SLC7A7: variants seen among roughly 807,000 people sequenced by gnomAD.
The protein encoded by SLC7A7 is Y+L amino acid transporter 1.
SLC7A7 carries 39 observed loss-of-function variants against 47.9 expected under a neutral mutation model. The ratio of observed to expected loss-of-function variants is 0.81; its 90% CI spans 0.63 to 1.06. The LOEUF (loss-of-function observed/expected upper bound fraction) is 1.06. Among genes scored for constraint, SLC7A7 ranks in the 50% least tolerant of loss-of-function variants. The pLI is 0.00. For missense variants in SLC7A7, 588 were observed against 632.0 expected, an observed-to-expected ratio of 0.93 and a Z score of 0.75; for synonymous variants, 234 against 242.8, an observed-to-expected ratio of 0.96 and a Z score of 0.34.
At chr14:22,806,485 C>G (rs1470119588) in intron 2 of SLC7A7, among the ~76,000 whole-genome samples, 1 of 151,878 alleles carries the variant, frequency 6.6e-6, no homozygotes, top group Non-Finnish European at 1.5e-5. Context: ...AGGCGCTGCT[C>G]ATGGAAGGGC....
chr14:22,774,047 C>T lies in SLC7A7; in HGVS notation c.1315G>A (p.Asp439Asn), dbSNP rs199986641. The T allele has an allele frequency of 2.5e-5, 41 of 1,613,612 alleles. No homozygotes were observed. Among genetic ancestry groups the T allele is most frequent in the Non-Finnish European group, 3.3e-5 (39 of 1,179,864 alleles). The change falls in exon 9 of 10, where the codon GAT becomes AAT. Residue 439 changes from aspartate to asparagine, a missense_variant. By Grantham distance (23) the Asp-to-Asn change is conservative. Transcript: ENST00000674313. ...ATGCCGATGAGGGAGTTGATAGTAT[C>T]ACTGTAAAGTGGAACAGCCACCAGG... ...IFLVAVPLYSDTINSLIGIAI... is the reference protein window; with the variant it reads ...IFLVAVPLYSNTINSLIGIAI...
At chr14:22,802,427 C>T (rs112991211) in intron 2 of SLC7A7, among the ~76,000 whole-genome samples, 3 of 47,296 alleles carry the variant, frequency 6.3e-5, no homozygotes, top group African/African-American at 9.4e-5. Flanking sequence ...AACAACCAAA[C>T]AAACAAACAA....
Position 22,803,816 on chromosome 14 carries a change from C to T in SLC7A7, c.499+9084G>A, listed in dbSNP as rs191634621. ...AAGCCACTCTCCACCCCTGCAAGCA[C>T]CTGCCACATATACATGTTTAAGTGA... is the stretch of plus-strand genomic sequence containing the variant. On this transcript the variant is annotated intron_variant, in intron 2 of 9. Coordinates refer to ENST00000674313, the MANE Select transcript of SLC7A7 (RefSeq NM_003982.4). 1.9e-3 allele frequency among the ~76,000 whole-genome samples: 296 copies of T among 152,280 alleles called. 1 individual carries two copies. Among genetic ancestry groups the T allele is most frequent in the African/African-American group, 6.7e-3 (279 of 41,554 alleles).
intron 2 of SLC7A7, among the ~76,000 whole-genome samples, chr14:22,792,867 A>AAGAGAGAGAAAGAGAGAGAGAGAGAGAG (rs2038947317): frequency 8.2e-6 from 1 of 122,466 alleles, no homozygotes; most frequent in Admixed American, 9.0e-5. Flanking sequence ...CAAAGAAAGA[A>AAGAGAGAGAAAGAGAGAGAGAGAGAGAG]AGAGAGAGAG....
chr14:22,791,078 C>A (rs192140761), intron 2 of SLC7A7, among the ~76,000 whole-genome samples: 2 of 151,678 alleles, frequency 1.3e-5, no homozygotes, highest in East Asian at 3.9e-4. Flanking sequence ...AGCATCATTT[C>A]TGATCTTCCA....
At chr14:22,818,288 C>T (rs910814525), upstream of SLC7A7, among the ~76,000 whole-genome samples, 6 of 152,130 alleles carry the variant, frequency 3.9e-5, no homozygotes, top group South Asian at 1.0e-3. Context: ...GCAAACAGCA[C>T]GCCCTAGTGG....
At chr14:22,784,423 T>G (rs896090912) in intron 2 of SLC7A7, among the ~76,000 whole-genome samples, 1 of 152,002 alleles carries the variant, frequency 6.6e-6, no homozygotes, top group East Asian at 1.9e-4. Context: ...ATCGAGACCA[T>G]CCTGGCCAAC....
At chr14:22,812,578 G>A (rs1434378569) in intron 2 of SLC7A7, among the ~76,000 whole-genome samples, 4 of 149,368 alleles carry the variant, frequency 2.7e-5, no homozygotes, top group African/African-American at 9.9e-5. Context: ...CGAGGCTGAA[G>A]TAAGGTATAA....
intron 2 of SLC7A7, among the ~76,000 whole-genome samples, chr14:22,796,915 G>A (rs1039020420): frequency 3.3e-5 from 5 of 152,138 alleles, no homozygotes; most frequent in Non-Finnish European, 4.4e-5. Context: ...AATGTAAACT[G>A]CTTTTAAGTC....
chr14:22,776,056 C>T (rs1187756605), intron 5 of SLC7A7, 120 bp from the exon 6 acceptor site: 4 of 1,443,676 alleles, frequency 2.8e-6, no homozygotes, highest in Admixed American at 1.7e-5. Flanking sequence ...GTGGGGTTAA[C>T]AGGACCTTCT....
At chr14:22,809,470 AGCTGGGACTATAGGCAC>A (rs2039267164) in intron 2 of SLC7A7, among the ~76,000 whole-genome samples, 1 of 151,836 alleles carries the variant, frequency 6.6e-6, no homozygotes, top group Non-Finnish European at 1.5e-5. Flanking sequence ...CCTCCCAAGT[AGCTGGGACTATAGGCAC>A]GCACCACCAC....
intron 2 of SLC7A7, among the ~76,000 whole-genome samples, chr14:22,808,300 C>T (rs2039246726): frequency 6.6e-6 from 1 of 152,204 alleles, no homozygotes; most frequent in Non-Finnish European, 1.5e-5. Context: ...AAGGGCCAGA[C>T]ATCATTCTTC....
At chr14:22,783,035 G>A (rs145480763) in intron 2 of SLC7A7, among the ~76,000 whole-genome samples, 7,792 of 151,622 alleles carry the variant, frequency 0.051, 542 homozygotes, top group African/African-American at 0.15. Flanking sequence ...CAGGGTTCAA[G>A]CAGTTCTCCT....
At chr14:22,783,805 T>A (rs1182562521) in intron 2 of SLC7A7, among the ~76,000 whole-genome samples, 2 of 152,152 alleles carry the variant, frequency 1.3e-5, no homozygotes, top group African/African-American at 2.4e-5. Flanking sequence ...TGACCCACCT[T>A]CTAGCCCTGA....
In SLC7A7 at chr14:22,774,113, T is replaced by C. The variant is rs2038542808; in HGVS notation, c.1249A>G (p.Ser417Gly). The C allele has an allele frequency of 1.9e-6, 3 of 1,614,100 alleles. No individual in the cohort carries two copies. The East Asian group carries it at 6.7e-5, about 36-fold the overall frequency. Residue 417 changes from serine to glycine, a missense_variant, in exon 9 of 10, where the codon AGC becomes GGC. Physicochemically the swap from Ser to Gly is moderately conservative, Grantham distance 56 (BLOSUM62 0). Coordinates refer to ENST00000674313, the MANE Select transcript of SLC7A7 (RefSeq NM_003982.4). The part of the protein sequence containing the change: ...EPDRPRPLKL[S>G]VFFPIVFCLC... ...CAGAAGACAATCGGGAAGAAAACGC[T>C]GAGCTAAGGGCACAGGAAACATAAC...
chr14:22,804,171 CCCTT>C (rs2039162171), intron 2 of SLC7A7, among the ~76,000 whole-genome samples: 1 of 152,100 alleles, frequency 6.6e-6, no homozygotes, highest in Non-Finnish European at 1.5e-5. Flanking sequence ...GAAACTGGAG[CCCTT>C]CCTTATATCT....
upstream of SLC7A7, chr14:22,815,745 G>A: frequency 2.2e-6 from 1 of 448,804 alleles, no homozygotes; most frequent in African/African-American, 2.0e-5. Context: ...AGTTAGCTGA[G>A]GACAGGACAG....
intron 2 of SLC7A7, among the ~76,000 whole-genome samples, chr14:22,797,731 A>G (rs1024582095): frequency 4.6e-5 from 7 of 152,172 alleles, no homozygotes; most frequent in African/African-American, 1.7e-4. Context: ...GAAATCAGCA[A>G]TGAATGAAGT....
At chr14:22,779,228 A>G (rs2038671737) in intron 3 of SLC7A7, among the ~76,000 whole-genome samples, 1 of 152,194 alleles carries the variant, frequency 6.6e-6, no homozygotes, top group African/African-American at 2.4e-5. Context: ...TGGAGAATAG[A>G]AACAATGCAG....
Sources: gnomAD v4.1 joint callset for allele counts (sites outside exome capture counted in the v4.1 genomes callset) on GRCh38, gnomAD v4.1.1 for gene constraint, MANE v1.5 for transcripts, NCBI Gene and HGNC (gene_info 2026-07-23, HGNC 2026-07-21) for gene names.